GAL3ST4: variants seen among roughly 807,000 people sequenced by gnomAD.
GAL3ST4 encodes galactose-3-O-sulfotransferase 4.
Under a neutral mutation model 31.6 loss-of-function variants are expected in GAL3ST4, and 30 were observed. That is an observed-to-expected ratio of 0.95 (90% confidence interval 0.71 to 1.29). The LOEUF is 1.29. Among genes scored for constraint, GAL3ST4 ranks in the 50% most tolerant of loss-of-function variants. The pLI is 0.00. For missense variants in GAL3ST4, 629 were observed against 625.2 expected, an observed-to-expected ratio of 1.01 and a Z score of -0.06; for synonymous variants, 248 against 256.9, an observed-to-expected ratio of 0.97 and a Z score of 0.33.
intron 3 of GAL3ST4, among the ~76,000 whole-genome samples, chr7:100,164,583 C>T (rs1043452490): frequency 7.2e-5 from 11 of 151,994 alleles, no homozygotes; most frequent in African/African-American, 9.7e-5. Flanking sequence ...TGCTTGAACC[C>T]GGGAGGCAGA....
chr7:100,164,392 C>T (rs894790513), intron 3 of GAL3ST4, among the ~76,000 whole-genome samples: 4 of 152,134 alleles, frequency 2.6e-5, no homozygotes, highest in African/African-American at 7.2e-5. Flanking sequence ...CGGCTGGGCA[C>T]GGTGGCTGAC....
In GAL3ST4 at chr7:100,167,182, C is replaced by A. The variant is rs763225239; in HGVS notation, c.-87G>T. On this transcript the variant is annotated 5_prime_UTR_variant, in exon 2 of 4. Coordinates refer to ENST00000360039, the MANE Select transcript of GAL3ST4 (RefSeq NM_024637.5). ...ACAGCTGGAGACAGCCGTGCAGCTG[C>A]GGAAGGCACTGGTTGGAGATCGGGG... 1 of 1,549,734 alleles carries A rather than the reference C, an allele frequency of 6.5e-7. No homozygotes were observed. The highest frequency in any genetic ancestry group is 1.2e-5 in the South Asian group (1 of 83,902).
chr7:100,167,710 A>G (rs1043383910), intron 1 of GAL3ST4: 6 of 156,126 alleles, frequency 3.8e-5, no homozygotes, highest in African/African-American at 1.4e-4. Context: ...ATACAGTGGG[A>G]ATGAGGATCA....
At chr7:100,165,690 A>T (rs1269550506) in intron 3 of GAL3ST4, among the ~76,000 whole-genome samples, 1 of 151,790 alleles carries the variant, frequency 6.6e-6, no homozygotes, top group Non-Finnish European at 1.5e-5. Context: ...GTGTGGTGGC[A>T]TGCACCTGTA....
In GAL3ST4 at chr7:100,166,729, G is replaced by C; in HGVS notation, c.202C>G (p.Arg68Gly). 6.2e-7 allele frequency: 1 copy of C among 1,614,030 alleles called. No individual in the cohort carries two copies. The highest frequency in any genetic ancestry group is 8.5e-7 in the Non-Finnish European group (1 of 1,179,968). The stretch of plus-strand genomic sequence containing the variant: ...TTATGTGTCTTCAGGAACACCAGTC[G>C]CTGCCGGGGTGGGCAGGACGGAAGG... The part of the protein sequence containing the change: ...PALPSCPPRQ[R>G]LVFLKTHKSG... The change falls in exon 3 of 4, where the codon CGA becomes GGA. Residue 68 changes from arginine to glycine, a missense_variant. Arg to Gly is a moderately radical substitution (Grantham distance 125). Coordinates refer to ENST00000360039, the MANE Select transcript of GAL3ST4 (RefSeq NM_024637.5).
Position 100,166,517 on chromosome 7 carries a change from C to T in GAL3ST4, c.414G>A (p.Arg138=), listed in dbSNP as rs749212546. 5.0e-6 allele frequency: 8 copies of T among 1,613,146 alleles called. No homozygotes were observed. Among genetic ancestry groups the T allele is most frequent in the East Asian group, 4.5e-5 (2 of 44,854 alleles). ...LPFHILCHHM[R]FNLKEVLQVM... ...CACTCCTTACCTCTTTCAGGTTGAACCTCATGTGGTGACAGAGGATGTGGA... is the reference window on the plus strand; with the variant it reads ...CACTCCTTACCTCTTTCAGGTTGAATCTCATGTGGTGACAGAGGATGTGGA... Residue 138 remains arginine, a synonymous_variant, in exon 3 of 4, where the codon AGG becomes AGA. Coordinates refer to ENST00000360039, the MANE Select transcript of GAL3ST4 (RefSeq NM_024637.5).
At chr7:100,162,932 G>A (rs1007068581) in intron 3 of GAL3ST4, among the ~76,000 whole-genome samples, 3 of 152,104 alleles carry the variant, frequency 2.0e-5, no homozygotes, top group African/African-American at 4.8e-5. Context: ...AAACCTGGAG[G>A]ATAGGAAACT....
At chr7:100,161,491 A>G (rs1054111851) in intron 3 of GAL3ST4, among the ~76,000 whole-genome samples, 1 of 152,044 alleles carries the variant, frequency 6.6e-6, no homozygotes, top group Non-Finnish European at 1.5e-5. Flanking sequence ...TCTACTAAAA[A>G]TACAAAAAAA....
chr7:100,161,666 A>C (rs1228889779), intron 3 of GAL3ST4, among the ~76,000 whole-genome samples: 2 of 151,952 alleles, frequency 1.3e-5, no homozygotes, highest in African/African-American at 4.8e-5. Flanking sequence ...AAAAAAAAAA[A>C]AAAAACTAAA....
In GAL3ST4 at chr7:100,167,008, A is replaced by G. The variant is rs199734006; in HGVS notation, c.88T>C (p.Phe30Leu). 7.0e-5 allele frequency: 111 copies of G among 1,581,868 alleles called. 1 individual carries two copies. Among genetic ancestry groups the G allele is most frequent in the Non-Finnish European group, 3.5e-5 (41 of 1,164,408 alleles). The change falls in exon 2 of 4, where the codon TTT becomes CTT. Residue 30 changes from phenylalanine (F) to leucine (L), a missense_variant. Physicochemically the swap from Phe to Leu is conservative, Grantham distance 22 (BLOSUM62 0). Coordinates refer to ENST00000360039, the MANE Select transcript of GAL3ST4 (RefSeq NM_024637.5). Reference sequence around the variant, plus strand: ...GGCCCTCCCAAGAGCTGGAGTGCAAAGCCAATGGTCATGAAGACTCCCAGA... The same window carrying G: ...GGCCCTCCCAAGAGCTGGAGTGCAAGGCCAATGGTCATGAAGACTCCCAGA... Reference protein sequence around the residue: ...VALGVFMTIGFALQLLGGPFQ... With the variant: ...VALGVFMTIGLALQLLGGPFQ...
In GAL3ST4 at chr7:100,166,629, G is replaced by A. The variant is rs778585732; in HGVS notation, c.302C>T (p.Ala101Val). Residue 101 changes from alanine (A) to valine (V), a missense_variant, in exon 3 of 4, where the codon GCC becomes GTC. Ala to Val is a moderately conservative substitution (Grantham distance 64). Coordinates refer to ENST00000360039, the MANE Select transcript of GAL3ST4 (RefSeq NM_024637.5). ...CTTTGGGTAGCCAAACTGGTAGCGG[G>A]CAGGGAGGGCGAAGCGCAGCCCGTG... ...DQHGLRFALP[A>V]RYQFGYPKLF... 2 of 1,614,230 alleles carry A rather than the reference G, an allele frequency of 1.2e-6. No homozygotes were observed. The highest frequency in any genetic ancestry group is 1.7e-6 in the Non-Finnish European group (2 of 1,180,040).
At position 100,167,176 on chromosome 7, in the gene GAL3ST4, C is replaced by T; in HGVS notation, c.-81G>A. The T allele has an allele frequency of 1.9e-6, 3 of 1,550,226 alleles. No individual in the cohort carries two copies. Among genetic ancestry groups the T allele is most frequent in the Non-Finnish European group, 1.7e-6 (2 of 1,146,450 alleles). Reference sequence around the variant, plus strand: ...GCAGAGACAGCTGGAGACAGCCGTGCAGCTGCGGAAGGCACTGGTTGGAGA... The same window carrying T: ...GCAGAGACAGCTGGAGACAGCCGTGTAGCTGCGGAAGGCACTGGTTGGAGA... On this transcript the variant is annotated 5_prime_UTR_variant, in exon 2 of 4. Transcript: ENST00000360039.
At chr7:100,166,893 G>C in intron 2 of GAL3ST4, 78 bp downstream of exon 2, 1 of 1,557,138 alleles carries the variant, frequency 6.4e-7, no homozygotes, top group African/African-American at 1.3e-5. Flanking sequence ...GAGTCCTCAG[G>C]AGTCACCAGC....
chr7:100,166,935 G>A (rs766374040), intron 2 of GAL3ST4, 36 bp downstream of exon 2: 4 of 1,586,574 alleles, frequency 2.5e-6, no homozygotes, highest in African/African-American at 1.3e-5. Flanking sequence ...CAAGTACGGG[G>A]CGTCTAGAAG....
rs772914106 is a variant in GAL3ST4, at chr7:100,167,042, C to G, written c.54G>C (p.Leu18=). 21 of 1,563,934 alleles carry G rather than the reference C, an allele frequency of 1.3e-5. No individual in the cohort carries two copies. Among genetic ancestry groups the G allele is most frequent in the Non-Finnish European group, 1.6e-5 (18 of 1,153,704 alleles). Residue 18 remains leucine, a synonymous_variant, in exon 2 of 4, where the codon CTG becomes CTC. Coordinates refer to ENST00000360039, the MANE Select transcript of GAL3ST4 (RefSeq NM_024637.5). Reference sequence around the variant, plus strand: ...TCATGAAGACTCCCAGAGCCACCCCCAGGCTCCGAGGTCCCCAGAGCCGCA... The same window carrying G: ...TCATGAAGACTCCCAGAGCCACCCCGAGGCTCCGAGGTCCCCAGAGCCGCA... ...RTLRLWGPRS[L]GVALGVFMTI...
chr7:100,162,376 C>T (rs562813551), intron 3 of GAL3ST4, among the ~76,000 whole-genome samples: 1 of 151,498 alleles, frequency 6.6e-6, no homozygotes, highest in East Asian at 1.9e-4. Context: ...GAAACCACAT[C>T]TCTACTAAAA....
chr7:100,160,514 G>C lies in GAL3ST4; in HGVS notation c.875C>G (p.Ala292Gly). The change falls in exon 4 of 4, where the codon GCA (alanine) becomes GGA (glycine). Residue 292 changes from alanine (A) to glycine (G), a missense_variant. Transcript: ENST00000360039. ...CAGGTCAAAGACAGAGTCCAGCCAT[G>C]CCAGACCCCACTGGATGAAGGATGA... ...GSSSFIQWGL[A>G]WLDSVFDLVM... 1 of 1,614,034 alleles carries C rather than the reference G, an allele frequency of 6.2e-7. No individual in the cohort carries two copies. Among genetic ancestry groups the C allele is most frequent in the Non-Finnish European group, 8.5e-7 (1 of 1,180,036 alleles).
chr7:100,166,218 G>A (rs905804403), intron 3 of GAL3ST4, among the ~76,000 whole-genome samples: 2 of 152,136 alleles, frequency 1.3e-5, no homozygotes, highest in African/African-American at 4.8e-5. Context: ...GAGAGTTGGG[G>A]GCTCAGAGTT....
chr7:100,163,803 G>A (rs1271995189), intron 3 of GAL3ST4, among the ~76,000 whole-genome samples: 4 of 151,816 alleles, frequency 2.6e-5, no homozygotes, highest in Admixed American at 2.0e-4. Flanking sequence ...CAAAACACTC[G>A]GATCACAGGC....
Sources: allele counts gnomAD v4.1 joint callset (sites outside exome capture counted in the v4.1 genomes callset), GRCh38; gene constraint gnomAD v4.1.1; transcripts MANE v1.5; gene names NCBI Gene and HGNC (gene_info 2026-07-23, HGNC 2026-07-21).